Variants in KCNC3 observed in about 807,000 individuals in gnomAD.
KCNC3 encodes the protein potassium voltage-gated channel subfamily C member 3.
Under a neutral mutation model 43.9 loss-of-function variants are expected in KCNC3, and 22 were observed. That is an observed-to-expected ratio of 0.50 (90% CI 0.36 to 0.72). The LOEUF is 0.72. KCNC3 is among the 30% of genes least tolerant of loss of function. KCNC3 has a pLI of 0.00. For missense variants in KCNC3, 829 were observed against 1,073.8 expected, an observed-to-expected ratio of 0.77 and a Z score of 3.19; for synonymous variants, 492 against 488.0, an observed-to-expected ratio of 1.01 and a Z score of -0.11.
At position 50,317,049 on chromosome 19, in the gene KCNC3, C is replaced by G. The variant is rs1303095357; in HGVS notation, c.*24-958G>C. 2.6e-5 allele frequency among the ~76,000 whole-genome samples: 4 copies of G among 151,730 alleles called. No individual in the cohort carries two copies. The East Asian group carries it at 7.8e-4, about 29-fold the overall frequency. On this transcript the variant is annotated intron_variant, in intron 4 of 4. Coordinates refer to ENST00000477616, the MANE Select transcript of KCNC3 (RefSeq NM_004977.3). ...CCCAATCCTCCCTCACCCATAGGCC[C>G]ACACCCTCTCCCCCTCAATCCCATA...
rs188034321 is a variant in KCNC3 at position 50,319,570 on chromosome 19, C to A, written c.*23+653G>T. On this transcript the variant is annotated intron_variant, in intron 4 of 4. Coordinates refer to ENST00000477616, the MANE Select transcript of KCNC3 (RefSeq NM_004977.3). ...GCGTGTGGTCAGAACTCCTGCTCAACCTTAAGGCCCCACTGCAGATATCGA... is the reference window on the plus strand; with the variant it reads ...GCGTGTGGTCAGAACTCCTGCTCAAACTTAAGGCCCCACTGCAGATATCGA... 3.3e-3 allele frequency among the ~76,000 whole-genome samples: 510 copies of A among 152,330 alleles called. 6 individuals carry two copies. Among genetic ancestry groups the A allele is most frequent in the African/African-American group, 0.012 (490 of 41,564 alleles).
At position 50,324,064 on chromosome 19, in the gene KCNC3, G is replaced by A; in HGVS notation, c.889C>T (p.Leu297Phe). 1 of 1,598,426 alleles carries A rather than the reference G, an allele frequency of 6.3e-7. No homozygotes were observed. The highest frequency in any genetic ancestry group is 8.5e-7 in the Non-Finnish European group (1 of 1,171,208). ...GTGATGGAGATGAGGATGAAGAAGA[G>A]GGAGGCGAAGGCCACATACTGCAGG... ...RAARYVAFAS[L>F]FFILISITTF... The change falls in exon 2 of 5, where the codon CTC (leucine) becomes TTC (phenylalanine). Residue 297 changes from leucine to phenylalanine, a missense_variant. Coordinates refer to ENST00000477616, the MANE Select transcript of KCNC3 (RefSeq NM_004977.3). This position sits in a 1 kb window ranked among gnomAD's most constrained non-coding sequence, Gnocchi z 4.1.
Position 50,323,780 on chromosome 19 carries a change from G to T in KCNC3, c.1173C>A (p.Pro391=). The change falls in exon 2 of 5, where the codon CCC becomes CCA. Residue 391 remains proline, a synonymous_variant. Coordinates refer to ENST00000477616, the MANE Select transcript of KCNC3 (RefSeq NM_004977.3). ...CCGAGAGGCCCACCTCGAGATAGAA[G>T]GGCAGGATGGCCACACAGTCGATGA... ...LNIIDCVAIL[P]FYLEVGLSGL... 6.2e-7 allele frequency: 1 copy of T among 1,614,210 alleles called. No individual in the cohort carries two copies. The highest frequency in any genetic ancestry group is 8.5e-7 in the Non-Finnish European group (1 of 1,180,044).
Position 50,314,569 on chromosome 19 carries a change from C to A in KCNC3, c.*1546G>T. ...CTGGCATAATTTGGACTTATTTACACAAGTTGATGGCAGGGGGATGTCCTA... is the reference window on the plus strand; with the variant it reads ...CTGGCATAATTTGGACTTATTTACAAAAGTTGATGGCAGGGGGATGTCCTA... On this transcript the variant is annotated 3_prime_UTR_variant, in exon 5 of 5. Coordinates refer to ENST00000477616, the MANE Select transcript of KCNC3 (RefSeq NM_004977.3). 3.5e-6 allele frequency: 1 copy of A among 285,848 alleles called. No individual in the cohort carries two copies. Among genetic ancestry groups the A allele is most frequent in the Non-Finnish European group, 6.8e-6 (1 of 146,492 alleles). The allele number at this position is 285,848 out of a possible 1,614,324, so 17.7% of individuals were successfully genotyped here.
At chr19:50,327,280 G>A (rs2123543150) in intron 1 of KCNC3, among the ~76,000 whole-genome samples, 1 of 152,294 alleles carries the variant, frequency 6.6e-6, no homozygotes, top group African/African-American at 2.4e-5. Context: ...TGGAGGCACT[G>A]AGGAGGAGTG....
intron 1 of KCNC3, among the ~76,000 whole-genome samples, chr19:50,326,557 G>A (rs928267711): frequency 1.3e-5 from 2 of 152,202 alleles, no homozygotes; most frequent in Non-Finnish European, 2.9e-5. Flanking sequence ...CACGGTGGGG[G>A]GAGGGGGCCA....
chr19:50,312,614 G>T lies in KCNC3; in HGVS notation c.*3501C>A, dbSNP rs1300655985. 2 of 152,250 alleles carry T rather than the reference G, an allele frequency of 1.3e-5. No homozygotes were observed. The highest frequency in any genetic ancestry group is 2.9e-5 in the Non-Finnish European group (2 of 68,060). 9.4% of individuals were successfully genotyped at this position (152,250 alleles called of 1,614,324 possible). A position where few individuals can be genotyped will look rare whatever the true frequency, so the allele number is the denominator to read the frequency against. Reference sequence around the variant, plus strand: ...GAGGGGAGGAGAATCACGTTTTGTAGAAGTTTATCATGATTGTGGTTATTT... The same window carrying T: ...GAGGGGAGGAGAATCACGTTTTGTATAAGTTTATCATGATTGTGGTTATTT... On this transcript the variant is annotated 3_prime_UTR_variant, in exon 5 of 5. Coordinates refer to ENST00000477616, the MANE Select transcript of KCNC3 (RefSeq NM_004977.3).
Position 50,328,625 on chromosome 19 carries a change from G to A in KCNC3, c.458C>T (p.Thr153Ile). ...GTCGGCTGGGCAGTGCAGCTTGCCG[G>A]TGCGGTAGTAGTTGAGCACGTACGC... Reference protein sequence around the residue: ...VFAYVLNYYRTGKLHCPADVC... With the variant: ...VFAYVLNYYRIGKLHCPADVC... Residue 153 changes from threonine to isoleucine, a missense_variant, in exon 1 of 5, where the codon ACC becomes ATC. By Grantham distance (89) the Thr-to-Ile change is moderately conservative. Transcript: ENST00000477616. The A allele has an allele frequency of 7.4e-6, 12 of 1,611,524 alleles. No individual in the cohort carries two copies. Among genetic ancestry groups the A allele is most frequent in the Non-Finnish European group, 1.0e-5 (12 of 1,179,458 alleles).
rs1398601062 is a variant in KCNC3, at chr19:50,315,552, A to C, written c.*563T>G. 6.8e-6 allele frequency: 1 copy of C among 146,610 alleles called. No individual in the cohort carries two copies. Among genetic ancestry groups the C allele is most frequent in the African/African-American group, 2.5e-5 (1 of 39,324 alleles). The allele number at this position is 146,610 out of a possible 1,614,324, so 9.1% of individuals were successfully genotyped here. A position where few individuals can be genotyped will look rare whatever the true frequency, so the allele number is the denominator to read the frequency against. On this transcript the variant is annotated 3_prime_UTR_variant, in exon 5 of 5. Coordinates refer to ENST00000477616, the MANE Select transcript of KCNC3 (RefSeq NM_004977.3). ...TGGGGGCTGACCTAGTTGTAGGGAA[A>C]GAGAGCAGGCAGGGGGTGGGGTCTG...
intron 4 of KCNC3, 46 bp downstream of exon 4, chr19:50,320,177 T>C: frequency 1.1e-5 from 1 of 90,272 alleles, no homozygotes; most frequent in Non-Finnish European, 1.9e-5. Flanking sequence ...CAGGCAGGAG[T>C]GGGGAGTCTG....
Position 50,323,323 on chromosome 19 carries a change from T to C in KCNC3, c.1630A>G (p.Met544Val), listed in dbSNP as rs1418041891. ...TTGGCCATGGCCAGCGAATAGTACA[T>C]GCCAAAGTTGTTGACAATGACGGGC... ...PVPVIVNNFGMYYSLAMAKQK... is the reference protein window; with the variant it reads ...PVPVIVNNFGVYYSLAMAKQK... Residue 544 changes from methionine to valine, a missense_variant, in exon 2 of 5, where the codon ATG becomes GTG. Physicochemically the swap from Met to Val is conservative, Grantham distance 21 (BLOSUM62 1). Transcript: ENST00000477616. 1.9e-6 allele frequency: 3 copies of C among 1,613,960 alleles called. No homozygotes were observed. Among genetic ancestry groups the C allele is most frequent in the Admixed American group, 1.7e-5 (1 of 60,034 alleles).
In KCNC3 at chr19:50,312,300, CTCTG is replaced by C. The variant is rs1309469134; in HGVS notation, c.*3811_*3814del. Reference sequence around the variant, plus strand: ...ACATTTGAGTGAGAGAAACTTATTGCTCTGTGTGTGTGTGTGTGTGTGTTGGGGA... The same window carrying C: ...ACATTTGAGTGAGAGAAACTTATTGCTGTGTGTGTGTGTGTGTGTTGGGGA... On this transcript the variant is annotated 3_prime_UTR_variant, in exon 5 of 5. Transcript: ENST00000477616. 2 of 73,310 alleles carry C rather than the reference CTCTG, an allele frequency of 2.7e-5. No individual in the cohort carries two copies. Among genetic ancestry groups the C allele is most frequent in the African/African-American group, 8.0e-5 (2 of 25,070 alleles). 4.5% of individuals were successfully genotyped at this position (73,310 alleles called of 1,614,324 possible). A position where few individuals can be genotyped will look rare whatever the true frequency, so the allele number is the denominator to read the frequency against.
At chr19:50,322,850 G>A in intron 2 of KCNC3, 125 bp downstream of exon 2, 1 of 912,916 alleles carries the variant, frequency 1.1e-6, no homozygotes, top group Non-Finnish European at 1.6e-6. Context: ...AGCTCCTGCT[G>A]TTGGTTTTTT....
rs1194195163 is a variant in KCNC3, at chr19:50,315,642, A to G, written c.*473T>C. On this transcript the variant is annotated 3_prime_UTR_variant, in exon 5 of 5. Transcript: ENST00000477616. ...GGAATCCGATGAGAACTCCAGGAGC[A>G]GTGGGGGGGGGTGGGGGGGGAGGGA... The G allele has an allele frequency of 2.1e-4, 2 of 9,406 alleles. No individual in the cohort carries two copies. Among genetic ancestry groups the G allele is most frequent in the Non-Finnish European group, 4.2e-4 (2 of 4,776 alleles). The allele number at this position is 9,406 out of a possible 1,614,324, so 0.6% of individuals were successfully genotyped here. A position where few individuals can be genotyped will look rare whatever the true frequency, so the allele number is the denominator to read the frequency against.
chr19:50,320,556 G>A (rs1330223972), intron 3 of KCNC3, 37 bp downstream of exon 3: 1 of 1,582,050 alleles, frequency 6.3e-7, no homozygotes, highest in African/African-American at 1.3e-5. Flanking sequence ...GGAGAGAGAG[G>A]GAGGGTCCCA....
Position 50,323,188 on chromosome 19 carries a change from G to T in KCNC3, c.1765C>A (p.His589Asn). Residue 589 changes from histidine (H) to asparagine (N), a missense_variant, in exon 2 of 5, where the codon CAC (histidine) becomes AAC (asparagine). His to Asn is a moderately conservative substitution (Grantham distance 68). Coordinates refer to ENST00000477616, the MANE Select transcript of KCNC3 (RefSeq NM_004977.3). The part of the protein sequence containing the change: ...PPPPPPPHPH[H>N]GSGGISPPPP... ...GGCGGGCTGATGCCCCCGCTGCCGT[G>T]GTGCGGGTGGGGCGGGGGTGGCGGG... 6.6e-7 allele frequency: 1 copy of T among 1,524,706 alleles called. No individual in the cohort carries two copies. The highest frequency in any genetic ancestry group is 8.8e-7 in the Non-Finnish European group (1 of 1,137,272). 94.4% of individuals were successfully genotyped at this position (1,524,706 alleles called of 1,614,324 possible).
Position 50,323,870 on chromosome 19 carries a change from G to A in KCNC3, c.1083C>T (p.Phe361=), listed in dbSNP as rs773009246. 1.3e-5 allele frequency: 21 copies of A among 1,614,168 alleles called. No individual in the cohort carries two copies. Among genetic ancestry groups the A allele is most frequent in the East Asian group, 2.2e-5 (1 of 44,874 alleles). The part of the protein sequence containing the change: ...VEGVCVVWFT[F]EFLMRITFCP... ...AGAAGGTGATGCGCATGAGGAACTC[G>A]AAGGTGAACCAGACCACGCACACCC... is the stretch of plus-strand genomic sequence containing the variant. Residue 361 remains phenylalanine, a synonymous_variant, in exon 2 of 5, where the codon TTC becomes TTT. Coordinates refer to ENST00000477616, the MANE Select transcript of KCNC3 (RefSeq NM_004977.3).
At position 50,328,353 on chromosome 19, in the gene KCNC3, G is replaced by A; in HGVS notation, c.730C>T (p.Arg244Cys). Residue 244 changes from arginine to cysteine, a missense_variant, in exon 1 of 5, where the codon CGC becomes TGC. Around this residue, in one of 7 missense-constraint regions of KCNC3, gnomAD observed 60 missense variants for 56.0 expected, o/e 1.07. Transcript: ENST00000477616. ...GLDGAGGELK[R>C]LCFQDAGGGA... Reference sequence around the variant, plus strand: ...CCGCCCGCGTCCTGGAAGCAGAGGCGCTTGAGCTCGCCGCCCGCTCCGTCC... The same window carrying A: ...CCGCCCGCGTCCTGGAAGCAGAGGCACTTGAGCTCGCCGCCCGCTCCGTCC... The A allele has an allele frequency of 1.7e-6, 2 of 1,178,886 alleles. No homozygotes were observed. Among genetic ancestry groups the A allele is most frequent in the Non-Finnish European group, 2.1e-6 (2 of 956,742 alleles). 73.0% of individuals were successfully genotyped at this position (1,178,886 alleles called of 1,614,324 possible).
chr19:50,329,006 T>C lies in KCNC3; in HGVS notation c.77A>G (p.Gln26Arg). The change falls in exon 1 of 5, where the codon CAG (glutamine) becomes CGG (arginine). Residue 26 changes from glutamine (Q) to arginine (R), a missense_variant. Around this residue, in one of 7 missense-constraint regions of KCNC3, gnomAD observed 129 missense variants for 83.6 expected, o/e 1.54. Transcript: ENST00000477616. ...ASKQQPAPPP[Q>R]PPESPPPPPL... ...TGGCGGCGGCGGGGACTCGGGCGGC[T>C]GCGGCGGTGGCGCCGGCTGCTGCTT... is the stretch of plus-strand genomic sequence containing the variant. 4 of 1,255,896 alleles carry C rather than the reference T, an allele frequency of 3.2e-6. No homozygotes were observed. The highest frequency in any genetic ancestry group is 4.1e-6 in the Non-Finnish European group (4 of 986,646). 77.8% of individuals were successfully genotyped at this position (1,255,896 alleles called of 1,614,324 possible).
Sources: allele counts gnomAD v4.1 joint callset (sites outside exome capture counted in the v4.1 genomes callset), GRCh38; gene constraint gnomAD v4.1.1; regional missense constraint gnomAD v4.1.1; non-coding constraint Gnocchi (gnomAD v3.1); transcripts MANE v1.5; gene names NCBI Gene and HGNC (gene_info 2026-07-23, HGNC 2026-07-21).